SPAG17: variants seen among roughly 807,000 people sequenced by gnomAD.
SPAG17 encodes the protein sperm-associated antigen 17.
A neutral mutation model predicts 273.6 loss-of-function variants in SPAG17; 169 were observed. The observed-to-expected ratio is 0.62, with a 90% CI of 0.55 to 0.70. The LOEUF is 0.70. SPAG17 is among the 30% of genes least tolerant of loss of function. The pLI, the probability that SPAG17 is intolerant of heterozygous loss-of-function variation, is 0.00. For synonymous variants in SPAG17, 825 were observed against 873.2 expected, an observed-to-expected ratio of 0.94 and a Z score of 0.97; for missense variants, 2,557 against 2,627.8, an observed-to-expected ratio of 0.97 and a Z score of 0.59.
intron 7 of SPAG17, among the ~76,000 whole-genome samples, chr1:118,096,130 C>G (rs1655688017): frequency 6.6e-6 from 1 of 152,172 alleles, no homozygotes; most frequent in Admixed American, 6.5e-5. Context: ...CTTTATAACT[C>G]AAACTGATCT....
chr1:117,978,982 C>T (rs746037524), intron 43 of SPAG17, among the ~76,000 whole-genome samples: 1 of 152,010 alleles, frequency 6.6e-6, no homozygotes, highest in Non-Finnish European at 1.5e-5. Context: ...ATTCTCCTGC[C>T]TCAGCCTCCT....
At chr1:118,054,404 T>C (rs1249832092) in intron 19 of SPAG17, among the ~76,000 whole-genome samples, 3 of 152,084 alleles carry the variant, frequency 2.0e-5, no homozygotes, top group African/African-American at 7.2e-5. Context: ...GTTTACCACT[T>C]TAAGACTACA....
chr1:118,129,267 T>A (rs1403616556), intron 3 of SPAG17, among the ~76,000 whole-genome samples: 1 of 152,230 alleles, frequency 6.6e-6, no homozygotes. Flanking sequence ...GATGAACAAA[T>A]TGATACTGAT....
chr1:118,031,959 G>A, intron 24 of SPAG17, 92 bp from the exon 25 acceptor site: 2 of 1,017,000 alleles, frequency 2.0e-6, no homozygotes, highest in Non-Finnish European at 2.8e-6. Context: ...ATTTACACAA[G>A]TTGACAACAA....
At chr1:118,037,008 G>T in intron 23 of SPAG17, 125 bp from the exon 24 acceptor site, 1 of 670,492 alleles carries the variant, frequency 1.5e-6, no homozygotes, top group Non-Finnish European at 2.5e-6. Flanking sequence ...AAAAATAATT[G>T]GTTTAGCTTG....
chr1:117,992,707 AT>A (rs556641798), intron 35 of SPAG17, 59 bp from the exon 36 acceptor site: 18,219 of 1,375,884 alleles, frequency 0.013, 166 homozygotes, highest in Non-Finnish European at 0.015. Context: ...TCACATTCAA[AT>A]TTTTTTTAAC....
At chr1:117,954,628 G>A (rs1557826241) in intron 48 of SPAG17, 2 of 1,612,094 alleles carry the variant, frequency 1.2e-6, no homozygotes, top group South Asian at 2.2e-5. Flanking sequence ...CAGTATCTCA[G>A]TGAGTAAAAT....
chr1:118,006,086 G>A (rs762432320), intron 31 of SPAG17, among the ~76,000 whole-genome samples: 1 of 152,090 alleles, frequency 6.6e-6, no homozygotes, highest in South Asian at 2.1e-4. Context: ...AATGAATTCT[G>A]GTTCAAACAG....
chr1:117,982,367 T>C (rs1655931391), intron 42 of SPAG17, among the ~76,000 whole-genome samples: 1 of 151,086 alleles, frequency 6.6e-6, no homozygotes, highest in Non-Finnish European at 1.5e-5. Flanking sequence ...TTAGCCTCCC[T>C]AGTAGTTGGG....
At chr1:118,064,227 CATT>C (rs1342396417) in intron 18 of SPAG17, among the ~76,000 whole-genome samples, 1 of 152,090 alleles carries the variant, frequency 6.6e-6, no homozygotes, top group Non-Finnish European at 1.5e-5. Flanking sequence ...CCAGCCATCC[CATT>C]ATTGAGTATA....
At chr1:117,969,523 G>A (rs1330015978) in intron 46 of SPAG17, among the ~76,000 whole-genome samples, 2 of 152,088 alleles carry the variant, frequency 1.3e-5, no homozygotes, top group East Asian at 1.9e-4. Context: ...AGGTTGCAGT[G>A]AGCTGAGATC....
chr1:118,033,322 A>G (rs1648699389), intron 24 of SPAG17, among the ~76,000 whole-genome samples: 1 of 152,080 alleles, frequency 6.6e-6, no homozygotes, highest in Non-Finnish European at 1.5e-5. Flanking sequence ...TACATTCTCA[A>G]TTTCAGTTAA....
chr1:118,094,368 C>A (rs1219609483), intron 7 of SPAG17, among the ~76,000 whole-genome samples: 1 of 152,148 alleles, frequency 6.6e-6, no homozygotes, highest in Non-Finnish European at 1.5e-5. Context: ...ATTTCAGCAA[C>A]CAGGGTCTTA....
intron 20 of SPAG17, among the ~76,000 whole-genome samples, chr1:118,043,240 A>G (rs756285140): frequency 6.6e-6 from 1 of 152,218 alleles, no homozygotes; most frequent in Non-Finnish European, 1.5e-5. Flanking sequence ...TTGAACAGAT[A>G]ATGCCTGAGA....
intron 24 of SPAG17, among the ~76,000 whole-genome samples, chr1:118,034,016 T>C (rs1168763875): frequency 1.3e-5 from 2 of 152,036 alleles, no homozygotes; most frequent in African/African-American, 4.8e-5. Context: ...TAATTCATCT[T>C]AGTGGCTCAG....
chr1:118,156,797 TC>T (rs1659670868), intron 1 of SPAG17, among the ~76,000 whole-genome samples: 1 of 152,094 alleles, frequency 6.6e-6, no homozygotes, highest in Admixed American at 6.5e-5. Flanking sequence ...TTCTGTGATT[TC>T]TTTTTTTTTT....
intron 7 of SPAG17, 38 bp downstream of exon 7, chr1:118,097,632 T>C (rs1655794420): frequency 8.1e-6 from 12 of 1,490,392 alleles, no homozygotes; most frequent in South Asian, 5.6e-5. Context: ...CTGTGTCACA[T>C]GTTAAAACCA....
In SPAG17 at chr1:118,087,193, T is replaced by A. The variant is rs138024974; in HGVS notation, c.1360-185A>T. 152 of 461,572 alleles carry A rather than the reference T, an allele frequency of 3.3e-4. No homozygotes were observed. The Middle Eastern group carries it at 3.9e-3, about 12-fold the overall frequency. 28.6% of individuals were successfully genotyped at this position (461,572 alleles called of 1,614,324 possible). A position where few individuals can be genotyped will look rare whatever the true frequency, so the allele number is the denominator to read the frequency against. On this transcript the variant is annotated intron_variant, in intron 10 of 48. Transcript: ENST00000336338. ...CAAGTAAAAGGAAAAGTGTTCGCAA[T>A]CCATGCATTAAGGTAGATATAAATT...
At chr1:118,031,627 G>A (rs999032273) in intron 25 of SPAG17, 65 bp downstream of exon 25, 30 of 1,512,038 alleles carry the variant, frequency 2.0e-5, no homozygotes, top group Non-Finnish European at 2.7e-5. Context: ...CATAAGTCAT[G>A]GTTTTAAAAA....
Sources: gnomAD v4.1 joint callset for allele counts (sites outside exome capture counted in the v4.1 genomes callset) on GRCh38, gnomAD v4.1.1 for gene constraint, MANE v1.5 for transcripts, NCBI Gene and HGNC (gene_info 2026-07-23, HGNC 2026-07-21) for gene names.